The following SPAG16 variants were observed in gnomAD, a reference collection of about 807,000 sequenced individuals.
SPAG16 encodes sperm-associated antigen 16 protein.
SPAG16 carries 86 observed loss-of-function variants against 80.4 expected under a neutral mutation model. The observed-to-expected ratio is 1.07, with a 90% CI of 0.90 to 1.28. The LOEUF (loss-of-function observed/expected upper bound fraction) is 1.28. Among genes scored for constraint, SPAG16 ranks in the 50% most tolerant of loss-of-function variants. SPAG16 has a pLI of 0.00. For synonymous variants in SPAG16, 294 were observed against 265.9 expected, an observed-to-expected ratio of 1.11 and a Z score of -1.03; for missense variants, 870 against 765.3, an observed-to-expected ratio of 1.14 and a Z score of -1.61.
At chr2:213,762,386 T>TA (rs2068713386) in intron 10 of SPAG16, among the ~76,000 whole-genome samples, 3 of 151,954 alleles carry the variant, frequency 2.0e-5, no homozygotes, top group Non-Finnish European at 4.4e-5. Context: ...TTTACCACGA[T>TA]AAAAAATGGA....
intron 10 of SPAG16, among the ~76,000 whole-genome samples, chr2:213,747,753 C>G (rs2067894834): frequency 6.6e-6 from 1 of 152,150 alleles, no homozygotes; most frequent in African/African-American, 2.4e-5. Context: ...AGGATACCAT[C>G]TCAGAATACA....
At chr2:213,783,595 C>T (rs1449540562) in intron 10 of SPAG16, among the ~76,000 whole-genome samples, 1 of 101,458 alleles carries the variant, frequency 9.9e-6, no homozygotes, top group Non-Finnish European at 2.1e-5. Flanking sequence ...AAATCTCACC[C>T]CCAAATAAAT....
intron 15 of SPAG16, among the ~76,000 whole-genome samples, chr2:214,387,266 A>C (rs1237077701): frequency 1.3e-5 from 2 of 152,138 alleles, no homozygotes; most frequent in African/African-American, 2.4e-5. Flanking sequence ...TCTTTTAACA[A>C]ATATTCATTG....
At chr2:213,806,235 G>A (rs533150511) in intron 10 of SPAG16, among the ~76,000 whole-genome samples, 2 of 152,254 alleles carry the variant, frequency 1.3e-5, no homozygotes, top group African/African-American at 4.8e-5. Context: ...TTGCAATGTG[G>A]GAGATTATTT....
chr2:213,874,968 A>C (rs1223018758), intron 11 of SPAG16, among the ~76,000 whole-genome samples: 2 of 152,108 alleles, frequency 1.3e-5, no homozygotes, highest in East Asian at 1.9e-4. Context: ...TAAGAAAGAG[A>C]ATCTTGCTCT....
chr2:213,982,259 C>T (rs778065884), intron 12 of SPAG16, among the ~76,000 whole-genome samples: 16 of 152,102 alleles, frequency 1.1e-4, no homozygotes, highest in East Asian at 3.9e-4. Flanking sequence ...TATTTGGATA[C>T]ATTTGTCTGA....
At chr2:214,312,597 C>T (rs138080931) in intron 15 of SPAG16, among the ~76,000 whole-genome samples, 4 of 152,100 alleles carry the variant, frequency 2.6e-5, no homozygotes, top group African/African-American at 4.8e-5. Context: ...ATGTATCGAC[C>T]TCCATGTGCC....
At chr2:213,669,897 C>T (rs1019956854) in intron 10 of SPAG16, among the ~76,000 whole-genome samples, 1 of 152,092 alleles carries the variant, frequency 6.6e-6, no homozygotes, top group Non-Finnish European at 1.5e-5. Flanking sequence ...GTTTACTCAG[C>T]AACATCTAGT....
chr2:214,392,809 T>A (rs963832034), intron 15 of SPAG16, among the ~76,000 whole-genome samples: 3 of 151,890 alleles, frequency 2.0e-5, no homozygotes, highest in Non-Finnish European at 4.4e-5. Context: ...ATATTTACAA[T>A]AATATAGCTA....
At chr2:213,589,074 G>A (rs2060587837) in intron 10 of SPAG16, among the ~76,000 whole-genome samples, 1 of 151,944 alleles carries the variant, frequency 6.6e-6, no homozygotes, top group Non-Finnish European at 1.5e-5. Context: ...AAAAACATAA[G>A]CAAAAAGTAT....
intron 10 of SPAG16, among the ~76,000 whole-genome samples, chr2:213,733,159 G>T (rs1216734944): frequency 6.6e-6 from 1 of 151,774 alleles, no homozygotes; most frequent in Non-Finnish European, 1.5e-5. Flanking sequence ...ATATTTATTG[G>T]CTGCGAGTAT....
chr2:214,277,288 G>A (rs111707615), intron 15 of SPAG16, among the ~76,000 whole-genome samples: 3,361 of 152,136 alleles, frequency 0.022, 84 homozygotes, highest in African/African-American at 0.057. Flanking sequence ...GCCTAGTTCC[G>A]TCAACTCGTC....
At chr2:213,645,478 C>T (rs2062787085) in intron 10 of SPAG16, among the ~76,000 whole-genome samples, 1 of 152,146 alleles carries the variant, frequency 6.6e-6, no homozygotes, top group South Asian at 2.1e-4. Context: ...TGAATGCTGT[C>T]AGGACTGAGT....
intron 10 of SPAG16, among the ~76,000 whole-genome samples, chr2:213,659,244 C>T (rs1199860198): frequency 6.6e-6 from 1 of 151,378 alleles, no homozygotes; most frequent in Non-Finnish European, 1.5e-5. Context: ...AGCAACATGG[C>T]AGATACCTTT....
chr2:214,345,196 A>C (rs1176831706), intron 15 of SPAG16, among the ~76,000 whole-genome samples: 1 of 152,110 alleles, frequency 6.6e-6, no homozygotes, highest in Admixed American at 6.6e-5. Flanking sequence ...CCCAGAGCCC[A>C]GTCACTCCAC....
intron 10 of SPAG16, among the ~76,000 whole-genome samples, chr2:213,698,288 G>T (rs1160554069): frequency 6.6e-6 from 1 of 151,868 alleles, no homozygotes; most frequent in Non-Finnish European, 1.5e-5. Flanking sequence ...TTGAGACAGG[G>T]TCTCCCTCTA....
chr2:214,263,565 T>G (rs1691333680), intron 15 of SPAG16, among the ~76,000 whole-genome samples: 1 of 152,196 alleles, frequency 6.6e-6, no homozygotes, highest in Non-Finnish European at 1.5e-5. Context: ...TCTCAGGTGT[T>G]GAGTCATTAG....
At chr2:213,605,552 C>G (rs112113433) in intron 10 of SPAG16, among the ~76,000 whole-genome samples, 8,350 of 152,122 alleles carry the variant, frequency 0.055, 762 homozygotes, top group African/African-American at 0.19. Flanking sequence ...TGCAATGGCC[C>G]GGTCTCGGCT....
Position 214,018,419 on chromosome 2 carries a change from T to C in SPAG16, c.1527+4342T>C, listed in dbSNP as rs1053324320. On this transcript the variant is annotated intron_variant, in intron 13 of 15. Transcript: ENST00000331683. ...CCAGTGGTTCATAAACAAGTTAAAA[T>C]AAATTTACATTTTTAGTTAAATAGT... Among the ~76,000 whole-genome samples, 5 of 152,160 alleles carry C rather than the reference T, an allele frequency of 3.3e-5. 1 individual carries two copies. Among genetic ancestry groups the C allele is most frequent in the Non-Finnish European group, 7.4e-5 (5 of 67,992 alleles).
Sources: allele counts gnomAD v4.1 joint callset (sites outside exome capture counted in the v4.1 genomes callset), GRCh38; gene constraint gnomAD v4.1.1; transcripts MANE v1.5; gene names NCBI Gene and HGNC (gene_info 2026-07-23, HGNC 2026-07-21).